The following SSB variants were observed in gnomAD, a reference collection of about 807,000 sequenced individuals.
SSB encodes lupus La protein.
In SSB, 17 loss-of-function variants were observed where a neutral mutation model predicts 52.9. That is an observed-to-expected ratio of 0.32 (90% CI 0.22 to 0.48). The LOEUF is 0.48. Ranked by LOEUF, SSB falls within the 20% of genes least tolerant of loss-of-function variation. The pLI, the probability that SSB is intolerant of heterozygous loss-of-function variation, is 0.99. For missense variants in SSB, 314 were observed against 463.6 expected (o/e 0.68, Z 2.96); for synonymous variants, 111 against 152.1 (o/e 0.73, Z 1.99).
rs367922508 is a variant in SSB at position 169,800,997 on chromosome 2, C to A, written c.37C>A (p.Leu13Met). Residue 13 changes from leucine (L) to methionine (M), a missense_variant, in exon 2 of 12, where the codon CTG becomes ATG. Coordinates refer to ENST00000260956, the MANE Select transcript of SSB (RefSeq NM_003142.5). ...TGGTGATAATGAAAAGATGGCTGCC[C>A]TGGAGGCCAAAATCTGTCATCAAAT... ...ENGDNEKMAA[L>M]EAKICHQIEY... 14 of 1,598,464 alleles carry A rather than the reference C, an allele frequency of 8.8e-6. No individual in the cohort carries two copies. Among genetic ancestry groups the A allele is most frequent in the Non-Finnish European group, 1.2e-5 (14 of 1,173,948 alleles).
Position 169,811,323 on chromosome 2 carries a change from G to A in SSB, c.1138G>A (p.Gly380Arg), listed in dbSNP as rs762159811. The change falls in exon 11 of 12, where the codon GGA (glycine) becomes AGA (arginine). Residue 380 changes from glycine (G) to arginine (R), a missense_variant and splice_region_variant. Physicochemically the swap from Gly to Arg is moderately radical, Grantham distance 125. Transcript: ENST00000260956. ...TGAACATGATGAAAATGGTGCAACT[G>A]GTAAGTTTTTTTTAAGTCCTTTGGT... ...HDEHDENGAT[G>R]PVKRAREETD... The A allele has an allele frequency of 1.4e-5, 22 of 1,568,900 alleles. No homozygotes were observed. In the African/African-American group the frequency reaches 2.4e-4, roughly 17 times the overall value.
rs771270938 is a variant in SSB at position 169,808,595 on chromosome 2, A to C, written c.626+42A>C. The C allele has an allele frequency of 6.5e-6, 10 of 1,537,614 alleles. No homozygotes were observed. The Admixed American group carries it at 1.7e-4, about 26-fold the overall frequency. ...AATCACGACATAATTTGAATTCCTT[A>C]AAGCTCTGACAGAAATATAGCTGGT... On this transcript the variant is annotated intron_variant, in intron 7 of 11. Transcript: ENST00000260956.
chr2:169,805,706 C>T lies in SSB; in HGVS notation c.212C>T (p.Ala71Val), dbSNP rs1009985222. ...ACAGACTTTAATGTAATTGTGGAAGCATTGAGCAAATCCAAGGCAGAACTC... is the reference window on the plus strand; with the variant it reads ...ACAGACTTTAATGTAATTGTGGAAGTATTGAGCAAATCCAAGGCAGAACTC... ...LTTDFNVIVE[A>V]LSKSKAELME... The change falls in exon 4 of 12, where the codon GCA (alanine) becomes GTA (valine). Residue 71 changes from alanine (A) to valine (V), a missense_variant. Physicochemically the swap from Ala to Val is moderately conservative, Grantham distance 64. Transcript: ENST00000260956. 2.1e-5 allele frequency: 34 copies of T among 1,613,920 alleles called. No individual in the cohort carries two copies. The highest frequency in any genetic ancestry group is 2.8e-5 in the Non-Finnish European group (33 of 1,180,016).
rs771230564 is a variant in SSB, at chr2:169,808,835, GTTATAA to G, written c.627-19_627-14del. Reference sequence around the variant, plus strand: ...TTTCTTATATAGTAAATAGAAGTATGTTATAATTATATTTTTATTTGTAGGGAGCAA... The same window carrying G: ...TTTCTTATATAGTAAATAGAAGTATGTTATATTTTTATTTGTAGGGAGCAA... On this transcript the variant is annotated intron_variant, in intron 7 of 11. Coordinates refer to ENST00000260956, the MANE Select transcript of SSB (RefSeq NM_003142.5). The G allele has an allele frequency of 4.2e-5, 63 of 1,514,990 alleles. No homozygotes were observed. Among genetic ancestry groups the G allele is most frequent in the Middle Eastern group, 2.1e-4 (1 of 4,756 alleles). 93.8% of individuals were successfully genotyped at this position (1,514,990 alleles called of 1,614,324 possible).
intron 2 of SSB, among the ~76,000 whole-genome samples, chr2:169,801,463 GT>G (rs1553482149): frequency 7.1e-6 from 1 of 141,608 alleles, no homozygotes; most frequent in Non-Finnish European, 1.5e-5. Flanking sequence ...GATGATCTTA[GT>G]TTTTTTCTGC....
chr2:169,799,144 A>G (rs1689647184), intron 1 of SSB, 168 bp downstream of exon 1: 1 of 151,266 alleles, frequency 6.6e-6, no homozygotes, highest in African/African-American at 2.4e-5. Context: ...GGCGGAGCCG[A>G]GGGGGCGCGG....
intron 8 of SSB, 61 bp downstream of exon 8, chr2:169,808,963 A>G: frequency 7.3e-7 from 1 of 1,370,908 alleles, no homozygotes; most frequent in Non-Finnish European, 1.0e-6. Flanking sequence ...AATAGCTTTT[A>G]AGTCTGAGGA....
chr2:169,807,150 T>G (rs906169294), intron 6 of SSB, 79 bp downstream of exon 6: 48 of 1,186,976 alleles, frequency 4.0e-5, no homozygotes, highest in Non-Finnish European at 5.2e-5. Context: ...GGAAGTAGTA[T>G]CCCCTGAAAG....
chr2:169,810,325 G>A lies in SSB; in HGVS notation c.712G>A (p.Gly238Ser). The A allele has an allele frequency of 6.2e-7, 1 of 1,606,756 alleles. No individual in the cohort carries two copies. Among genetic ancestry groups the A allele is most frequent in the Non-Finnish European group, 8.5e-7 (1 of 1,178,138 alleles). The change falls in exon 9 of 12, where the codon GGT becomes AGT. Residue 238 changes from glycine (G) to serine (S), a missense_variant. By Grantham distance (56) the Gly-to-Ser change is moderately conservative. Transcript: ENST00000260956. ...GATTGGATGCTTGCTGAAATTTTCGGGTGATTTAGATGATCAGACCTGTAG... is the reference window on the plus strand; with the variant it reads ...GATTGGATGCTTGCTGAAATTTTCGAGTGATTTAGATGATCAGACCTGTAG... ...EKIGCLLKFS[G>S]DLDDQTCRED...
Position 169,806,809 on chromosome 2 carries a change from C to G in SSB, c.370C>G (p.Leu124Val). Reference sequence around the variant, plus strand: ...GAAAGGCTTCCCAACTGATGCAACTCTTGATGACATAAAAGAATGGTTAGA... The same window carrying G: ...GAAAGGCTTCCCAACTGATGCAACTGTTGATGACATAAAAGAATGGTTAGA... The part of the protein sequence containing the change: ...YIKGFPTDAT[L>V]DDIKEWLEDK... Residue 124 changes from leucine (L) to valine (V), a missense_variant, in exon 5 of 12, where the codon CTT (leucine) becomes GTT (valine). By Grantham distance (32) the Leu-to-Val change is conservative. Transcript: ENST00000260956. 1.2e-6 allele frequency: 2 copies of G among 1,612,314 alleles called. No individual in the cohort carries two copies. Among genetic ancestry groups the G allele is most frequent in the African/African-American group, 1.3e-5 (1 of 74,932 alleles).
At chr2:169,800,723 G>C (rs1027668454) in intron 1 of SSB, among the ~76,000 whole-genome samples, 9 of 152,104 alleles carry the variant, frequency 5.9e-5, no homozygotes, top group Admixed American at 5.2e-4. Flanking sequence ...AGATGGGGTA[G>C]TGATTTACTG....
intron 4 of SSB, 52 bp from the exon 5 acceptor site, chr2:169,806,733 T>C: frequency 3.6e-6 from 5 of 1,381,982 alleles, no homozygotes; most frequent in Non-Finnish European, 5.0e-6. Context: ...TCCAATTGTT[T>C]ATCTGAGAAG....
Position 169,805,585 on chromosome 2 carries a change from G to C in SSB, c.170+8G>C, listed in dbSNP as rs760231725. Reference sequence around the variant, plus strand: ...AATGATAAAATTCAACAGGTAACAAGCTTTTAAAAATAATCTTTAGGTTTT... The same window carrying C: ...AATGATAAAATTCAACAGGTAACAACCTTTTAAAAATAATCTTTAGGTTTT... On this transcript the variant is annotated splice_region_variant and intron_variant, in intron 3 of 11. Coordinates refer to ENST00000260956, the MANE Select transcript of SSB (RefSeq NM_003142.5). 6.2e-7 allele frequency: 1 copy of C among 1,612,828 alleles called. No homozygotes were observed. Among genetic ancestry groups the C allele is most frequent in the South Asian group, 1.1e-5 (1 of 90,918 alleles).
chr2:169,811,086 C>T, intron 10 of SSB, 42 bp downstream of exon 10: 1 of 1,593,596 alleles, frequency 6.3e-7, no homozygotes, highest in Non-Finnish European at 8.5e-7. Context: ...GGTTGTTGAA[C>T]CCATTTACTT....
chr2:169,811,948 AT>A lies in SSB; in HGVS notation c.*195del. On this transcript the variant is annotated 3_prime_UTR_variant, in exon 12 of 12. Coordinates refer to ENST00000260956, the MANE Select transcript of SSB (RefSeq NM_003142.5). Reference sequence around the variant, plus strand: ...TTGAATGTATTGTTCTGTTTGTGTTATTTCAGATGATTCAAATATCAAAAGG... The same window carrying A: ...TTGAATGTATTGTTCTGTTTGTGTTATTCAGATGATTCAAATATCAAAAGG... 12 of 1,383,990 alleles carry A rather than the reference AT, an allele frequency of 8.7e-6. No individual in the cohort carries two copies. The highest frequency in any genetic ancestry group is 1.2e-5 in the Non-Finnish European group (12 of 998,568). 85.7% of individuals were successfully genotyped at this position (1,383,990 alleles called of 1,614,324 possible).
chr2:169,808,298 G>C (rs960598786), intron 6 of SSB, among the ~76,000 whole-genome samples, 184 bp from the exon 7 acceptor site: 2 of 152,080 alleles, frequency 1.3e-5, no homozygotes, highest in Non-Finnish European at 2.9e-5. Context: ...CCTCAGTAAA[G>C]CTGTTATATA....
intron 2 of SSB, among the ~76,000 whole-genome samples, chr2:169,801,953 A>T (rs989616968): frequency 1.3e-5 from 2 of 152,144 alleles, no homozygotes; most frequent in Non-Finnish European, 2.9e-5. Flanking sequence ...GTACTGATGC[A>T]GGAGGATGGC....
chr2:169,808,646 C>G, intron 7 of SSB, 93 bp downstream of exon 7: 5 of 1,230,970 alleles, frequency 4.1e-6, no homozygotes, highest in Non-Finnish European at 4.7e-6. Context: ...GGCAGTAGAC[C>G]TTTCTCTTTG....
intron 11 of SSB, 115 bp downstream of exon 11, chr2:169,811,438 T>G: frequency 7.5e-7 from 1 of 1,342,240 alleles, no homozygotes; most frequent in South Asian, 1.6e-5. Context: ...TAAGTGCCAT[T>G]CTTGGATTAT....
Sources: gnomAD v4.1 joint callset for allele counts (sites outside exome capture counted in the v4.1 genomes callset) on GRCh38, gnomAD v4.1.1 for gene constraint, MANE v1.5 for transcripts, NCBI Gene and HGNC (gene_info 2026-07-23, HGNC 2026-07-21) for gene names.